The following FGF14 variants were observed in gnomAD, a reference collection of about 807,000 sequenced individuals.
FGF14 encodes fibroblast growth factor 14.
In FGF14, 5 loss-of-function variants were observed where a neutral mutation model predicts 25.5. That is an observed-to-expected ratio of 0.20 (90% CI 0.10 to 0.41). FGF14 has a LOEUF of 0.41. FGF14 is among the 10% of genes least tolerant of loss of function. The pLI, the probability that FGF14 is intolerant of heterozygous loss-of-function variation, is 1.00. For missense variants in FGF14, 222 were observed against 320.1 expected (o/e 0.69, Z 2.34); for synonymous variants, 138 against 118.3 (o/e 1.17, Z -1.08).
chr13:101,954,197 T>C (rs960793009), intron 1 of FGF14, among the ~76,000 whole-genome samples: 4 of 151,644 alleles, frequency 2.6e-5, no homozygotes, highest in African/African-American at 9.7e-5. Flanking sequence ...AGCCGAGATG[T>C]CAGACTCAAC....
intron 3 of FGF14, among the ~76,000 whole-genome samples, chr13:101,828,963 A>T (rs2042540708): frequency 6.6e-6 from 1 of 152,070 alleles, no homozygotes; most frequent in South Asian, 2.1e-4. Flanking sequence ...GCTGATAGCA[A>T]ACAAAGTAAA....
intron 3 of FGF14, among the ~76,000 whole-genome samples, chr13:101,802,838 T>C (rs2040962467): frequency 6.6e-6 from 1 of 152,142 alleles, no homozygotes; most frequent in Non-Finnish European, 1.5e-5. Context: ...AGGTGTCAGG[T>C]GTACATACAT....
intron 1 of FGF14, among the ~76,000 whole-genome samples, chr13:102,099,279 G>GA (rs1413851834): frequency 5.3e-5 from 8 of 152,166 alleles, no homozygotes; most frequent in Non-Finnish European, 1.5e-5. Context: ...AAAATTAGTG[G>GA]AAAGAGGACA....
intron 3 of FGF14, among the ~76,000 whole-genome samples, chr13:101,727,649 G>T (rs1414467009): frequency 1.3e-5 from 2 of 151,720 alleles, no homozygotes; most frequent in African/African-American, 4.8e-5. Flanking sequence ...TTCTTACTTT[G>T]GGATGAATAA....
chr13:102,119,570 G>A (rs1490494344), intron 1 of FGF14, among the ~76,000 whole-genome samples: 1 of 152,156 alleles, frequency 6.6e-6, no homozygotes, highest in African/African-American at 2.4e-5. Flanking sequence ...TCTTAGAGGT[G>A]AGGTAAAATG....
chr13:102,216,620 T>C (rs765277364), intron 1 of FGF14, among the ~76,000 whole-genome samples: 3 of 152,186 alleles, frequency 2.0e-5, no homozygotes, highest in Non-Finnish European at 4.4e-5. Flanking sequence ...TGAATTAGGG[T>C]GATTAGCATA....
intron 1 of FGF14, among the ~76,000 whole-genome samples, chr13:102,283,380 A>G (rs2105105): frequency 0.59 from 89,622 of 151,940 alleles, 26,613 homozygotes; most frequent in Middle Eastern, 0.67. Context: ...AAGAATTTGT[A>G]GTCTCTGCTA....
intron 3 of FGF14, among the ~76,000 whole-genome samples, chr13:101,747,602 C>T (rs1437626391): frequency 6.6e-6 from 1 of 151,956 alleles, no homozygotes; most frequent in Non-Finnish European, 1.5e-5. Context: ...AAAACATGCT[C>T]AACATTGCTG....
At chr13:102,077,158 T>G (rs907226732) in intron 1 of FGF14, among the ~76,000 whole-genome samples, 1 of 152,142 alleles carries the variant, frequency 6.6e-6, no homozygotes, top group African/African-American at 2.4e-5. Flanking sequence ...TAATAAATCT[T>G]AAACATTTGA....
chr13:101,719,893 C>CCAAA lies in FGF14; in HGVS notation c.*2934_*2937dup, dbSNP rs1214657697. The CCAAA allele has an allele frequency of 3.3e-5, 5 of 151,970 alleles. No homozygotes were observed. Among genetic ancestry groups the CCAAA allele is most frequent in the Admixed American group, 6.6e-5 (1 of 15,254 alleles). The allele number at this position is 151,970 out of a possible 1,614,324, so 9.4% of individuals were successfully genotyped here. ...GGGAAAAAAATGGCGAAGTCTTATC[C>CCAAA]CAAACAAATAGCAAGAGAGGTATCA... On this transcript the variant is annotated 3_prime_UTR_variant, in exon 5 of 5. Transcript: ENST00000376143.
At chr13:102,266,184 G>T (rs1413938047) in intron 1 of FGF14, among the ~76,000 whole-genome samples, 1 of 152,084 alleles carries the variant, frequency 6.6e-6, no homozygotes, top group African/African-American at 2.4e-5. Context: ...AGAAAATATA[G>T]GCTCAACTTC....
chr13:102,225,702 C>T (rs1301386606), intron 1 of FGF14, among the ~76,000 whole-genome samples: 1 of 152,190 alleles, frequency 6.6e-6, no homozygotes, highest in African/African-American at 2.4e-5. Flanking sequence ...ACTGTTTTGA[C>T]TCTCAGCTCT....
intron 3 of FGF14, among the ~76,000 whole-genome samples, chr13:101,808,034 T>A (rs2041298377): frequency 6.6e-6 from 1 of 152,036 alleles, no homozygotes; most frequent in Non-Finnish European, 1.5e-5. Flanking sequence ...AAATAATAGC[T>A]AATAAGCAAG....
chr13:101,876,624 G>A (rs543079058), intron 1 of FGF14, among the ~76,000 whole-genome samples: 1 of 152,180 alleles, frequency 6.6e-6, no homozygotes, highest in South Asian at 2.1e-4. Context: ...AATAATGCAC[G>A]AACAGCAGAT....
intron 1 of FGF14, among the ~76,000 whole-genome samples, chr13:102,358,068 C>T (rs371667977): frequency 1.7e-4 from 26 of 152,046 alleles, no homozygotes; most frequent in African/African-American, 6.3e-4. Context: ...TTTTAATGGG[C>T]AAAATTTTGA....
intron 3 of FGF14, among the ~76,000 whole-genome samples, chr13:101,787,115 C>T (rs533856998): frequency 6.6e-6 from 1 of 151,976 alleles, no homozygotes; most frequent in Non-Finnish European, 1.5e-5. Context: ...ATATAATAAG[C>T]AATGTGAAAA....
chr13:102,273,626 AT>A (rs2053360595), intron 1 of FGF14, among the ~76,000 whole-genome samples: 1 of 152,178 alleles, frequency 6.6e-6, no homozygotes, highest in South Asian at 2.1e-4. Flanking sequence ...ATAAGCAGAA[AT>A]TAGTGATTTT....
intron 3 of FGF14, among the ~76,000 whole-genome samples, chr13:101,744,391 T>A (rs894228706): frequency 6.6e-6 from 1 of 152,072 alleles, no homozygotes; most frequent in Non-Finnish European, 1.5e-5. Flanking sequence ...AGTTTCCCCA[T>A]CTCCCTCCTC....
intron 1 of FGF14, among the ~76,000 whole-genome samples, chr13:102,204,304 C>T (rs1328526174): frequency 1.3e-5 from 2 of 152,118 alleles, no homozygotes; most frequent in African/African-American, 2.4e-5. Flanking sequence ...CAGGAAGAAA[C>T]AAACACACAC....
Sources: gnomAD v4.1 joint callset for allele counts (sites outside exome capture counted in the v4.1 genomes callset) on GRCh38, gnomAD v4.1.1 for gene constraint, MANE v1.5 for transcripts, NCBI Gene and HGNC (gene_info 2026-07-23, HGNC 2026-07-21) for gene names.